The following ADAM33 variants were observed in gnomAD, a reference collection of about 807,000 sequenced individuals.
The protein encoded by ADAM33 is disintegrin and metalloproteinase domain-containing protein 33.
In ADAM33, 103 loss-of-function variants were observed where a neutral mutation model predicts 106.2. The observed-to-expected ratio is 0.97, with a 90% CI of 0.83 to 1.14. ADAM33 has a LOEUF of 1.14. ADAM33 is among the 50% of genes most tolerant of loss of function. The pLI is 0.00. For synonymous variants in ADAM33, 483 were observed against 453.0 expected, an observed-to-expected ratio of 1.07 and a Z score of -0.84; for missense variants, 1,120 against 1,096.6, an observed-to-expected ratio of 1.02 and a Z score of -0.30.
At chr20:3,676,971 T>G in intron 3 of ADAM33, 96 bp downstream of exon 3, 1 of 1,310,888 alleles carries the variant, frequency 7.6e-7, no homozygotes, top group Non-Finnish European at 1.0e-6. Flanking sequence ...CTCTCTGGGG[T>G]CCTCTGCCCA....
At position 3,669,732 on chromosome 20, in the gene ADAM33, C is replaced by T. The variant is rs41423545; in HGVS notation, c.2241-95G>A. 2.6e-3 allele frequency: 3,107 copies of T among 1,173,024 alleles called. 64 individuals are homozygous for T. The African/African-American group carries it at 0.039, about 15-fold the overall frequency. 72.7% of individuals were successfully genotyped at this position (1,173,024 alleles called of 1,614,324 possible). On this transcript the variant is annotated intron_variant, in intron 19 of 21. Transcript: ENST00000356518. The stretch of plus-strand genomic sequence containing the variant: ...ATGGTGTCCAGCCCAGGGAGTTCTG[C>T]GTTTACTGAGTTTCTTGGGGCACCC...
At chr20:3,672,681 A>T in intron 12 of ADAM33, 40 bp downstream of exon 12, 1 of 1,604,362 alleles carries the variant, frequency 6.2e-7, no homozygotes, top group South Asian at 1.1e-5. Flanking sequence ...CCCAGACCTG[A>T]GCGGAGAGGG....
In ADAM33 at chr20:3,679,588, G is replaced by C; in HGVS notation, c.98-17C>G. On this transcript the variant is annotated splice_polypyrimidine_tract_variant and intron_variant, in intron 1 of 21. Coordinates refer to ENST00000356518, the MANE Select transcript of ADAM33 (RefSeq NM_025220.5). ...GGATATGTCCTGGAGTAAAGACAGA[G>C]CACAGGGTGAGGGGGACCTGAGGAA... 1 of 1,598,554 alleles carries C rather than the reference G, an allele frequency of 6.3e-7. No homozygotes were observed. Among genetic ancestry groups the C allele is most frequent in the Non-Finnish European group, 8.5e-7 (1 of 1,172,066 alleles).
rs915296794 is a variant in ADAM33 at position 3,672,923 on chromosome 20, G to A, written c.1134-25C>T. 15 of 1,533,004 alleles carry A rather than the reference G, an allele frequency of 9.8e-6. No homozygotes were observed. In the South Asian group the frequency reaches 1.4e-4, roughly 14 times the overall value. 95.0% of individuals were successfully genotyped at this position (1,533,004 alleles called of 1,614,324 possible). A position where few individuals can be genotyped will look rare whatever the true frequency, so the allele number is the denominator to read the frequency against. ...CCTACCGGCACGGGGAGGGCATTGG[G>A]CATGGAGGGACAGTCCCCCAACCCC... On this transcript the variant is annotated intron_variant, in intron 11 of 21. Coordinates refer to ENST00000356518, the MANE Select transcript of ADAM33 (RefSeq NM_025220.5).
In ADAM33 at chr20:3,668,898, C is replaced by A; in HGVS notation, c.*65G>T. On this transcript the variant is annotated 3_prime_UTR_variant, in exon 22 of 22. Coordinates refer to ENST00000356518, the MANE Select transcript of ADAM33 (RefSeq NM_025220.5). ...ATTCACTGGCTCTGCCCCTGCAGTT[C>A]AAGTTCCTGGAGTGGCTGTCAGTGG... is the stretch of plus-strand genomic sequence containing the variant. 2 of 1,578,488 alleles carry A rather than the reference C, an allele frequency of 1.3e-6. No homozygotes were observed. Among genetic ancestry groups the A allele is most frequent in the South Asian group, 2.2e-5 (2 of 90,076 alleles).
rs574210642 is a variant in ADAM33 at position 3,671,358 on chromosome 20, G to C, written c.1984-13C>G. The C allele has an allele frequency of 1.9e-5, 30 of 1,612,860 alleles. No homozygotes were observed. In the African/African-American group the frequency reaches 3.6e-4, roughly 19 times the overall value. ...TGCTATTGCAAACCTGCAGAGAAGA[G>C]AAGAGGAGGGTCACGTAGGATTAGG... On this transcript the variant is annotated splice_polypyrimidine_tract_variant and intron_variant, in intron 17 of 21. Transcript: ENST00000356518.
rs1457312209 is a variant in ADAM33, at chr20:3,669,608, G to A, written c.2270C>T (p.Pro757Leu). 1.2e-6 allele frequency: 2 copies of A among 1,603,632 alleles called. No individual in the cohort carries two copies. Among genetic ancestry groups the A allele is most frequent in the Non-Finnish European group, 8.5e-7 (1 of 1,176,126 alleles). ...CTCCATGGGGTGAACGCCGCCCAGG[G>A]GGTGGTCCCTGTGTGGGCCATCTTT... ...GPKDGPHRDH[P>L]LGGVHPMELG... Residue 757 changes from proline to leucine, a missense_variant, in exon 20 of 22, where the codon CCC becomes CTC. Transcript: ENST00000356518.
In ADAM33 at chr20:3,673,843, G is replaced by A. The variant is rs1441240023; in HGVS notation, c.807C>T (p.Ser269=). 14 of 1,567,540 alleles carry A rather than the reference G, an allele frequency of 8.9e-6. No homozygotes were observed. Among genetic ancestry groups the A allele is most frequent in the Non-Finnish European group, 1.1e-5 (13 of 1,164,824 alleles). ...GLEVWTERDR[S]RVTQDANATL... ...TGGCGTTGGCGTCCTGCGTGACGCG[G>A]CTGCGGTCCCGCTCGGTCCACACCT... The change falls in exon 9 of 22, where the codon AGC becomes AGT. Residue 269 remains serine, a synonymous_variant. Transcript: ENST00000356518.
At position 3,671,356 on chromosome 20, in the gene ADAM33, G is replaced by A. The variant is rs1261395179; in HGVS notation, c.1984-11C>T. 6.2e-7 allele frequency: 1 copy of A among 1,612,898 alleles called. No individual in the cohort carries two copies. Among genetic ancestry groups the A allele is most frequent in the Non-Finnish European group, 8.5e-7 (1 of 1,179,116 alleles). On this transcript the variant is annotated splice_polypyrimidine_tract_variant and intron_variant, in intron 17 of 21. Coordinates refer to ENST00000356518, the MANE Select transcript of ADAM33 (RefSeq NM_025220.5). The stretch of plus-strand genomic sequence containing the variant: ...GTTGCTATTGCAAACCTGCAGAGAA[G>A]AGAAGAGGAGGGTCACGTAGGATTA...
intron 14 of ADAM33, 64 bp downstream of exon 14, chr20:3,672,070 C>T: frequency 6.3e-7 from 1 of 1,578,836 alleles, no homozygotes; most frequent in Non-Finnish European, 8.6e-7. Context: ...ATCTTCCCCA[C>T]AGTAGAAAAC....
intron 19 of ADAM33, chr20:3,669,929 C>T: frequency 1.8e-5 from 10 of 552,002 alleles, no homozygotes; most frequent in South Asian, 1.4e-4. Context: ...TGGCATCGCT[C>T]AGCTTCCAAA....
chr20:3,681,780 T>G, intron 1 of ADAM33, 128 bp downstream of exon 1: 3 of 1,355,922 alleles, frequency 2.2e-6, no homozygotes, highest in Non-Finnish European at 2.9e-6. Context: ...CGCCCTGACC[T>G]ACTGGCCGTA....
chr20:3,669,629 T>A lies in ADAM33; in HGVS notation c.2249A>T (p.Asp750Val), dbSNP rs769009335. 1 of 1,601,266 alleles carries A rather than the reference T, an allele frequency of 6.2e-7. No individual in the cohort carries two copies. Among genetic ancestry groups the A allele is most frequent in the East Asian group, 2.2e-5 (1 of 44,508 alleles). The change falls in exon 20 of 22, where the codon GAT (aspartate) becomes GTT (valine). Residue 750 changes from aspartate to valine, a missense_variant. Coordinates refer to ENST00000356518, the MANE Select transcript of ADAM33 (RefSeq NM_025220.5). ...CAGGGGGTGGTCCCTGTGTGGGCCA[T>A]CTTTGGGGCTGAGCAACGTGATAAG... ...RRDPACSGPK[D>V]GPHRDHPLGG...
At position 3,674,593 on chromosome 20, in the gene ADAM33, G is replaced by T; in HGVS notation, c.511C>A (p.Gln171Lys). Residue 171 changes from glutamine to lysine, a missense_variant, in exon 6 of 22, where the codon CAG (glutamine) becomes AAG (lysine). Gln to Lys is a moderately conservative substitution (Grantham distance 53). Transcript: ENST00000356518. Reference sequence around the variant, plus strand: ...CAGGTTCCTTTCCAGGTGAGCAGCTGCTCCATCCGAAAGATCTCGTGGGTT... The same window carrying T: ...CAGGTTCCTTTCCAGGTGAGCAGCTTCTCCATCCGAAAGATCTCGTGGGTT... ...FSTHEIFRME[Q>K]LLTWKGTCGH... 1 of 1,613,300 alleles carries T rather than the reference G, an allele frequency of 6.2e-7. No homozygotes were observed. The highest frequency in any genetic ancestry group is 8.5e-7 in the Non-Finnish European group (1 of 1,179,816).
At chr20:3,680,292 C>T (rs1190531671) in intron 1 of ADAM33, among the ~76,000 whole-genome samples, 2 of 152,120 alleles carry the variant, frequency 1.3e-5, no homozygotes. Context: ...CAGGCCCGCC[C>T]TGCAGGAGCC....
At chr20:3,669,707 A>T in intron 19 of ADAM33, 70 bp from the exon 20 acceptor site, 1 of 1,379,896 alleles carries the variant, frequency 7.2e-7, no homozygotes, top group Non-Finnish European at 1.0e-6. Context: ...TCCCCGCAGC[A>T]TGGTGTCCAG....
At position 3,671,255 on chromosome 20, in the gene ADAM33, C is replaced by CACTGTCCAT. The variant is rs1357246837; in HGVS notation, c.2065_2073dup (p.Met689_Ser691dup). ...GGCATACTTTCAGCCTGCACAGGGCCACTGTCCATGCTGCCACCAAAGCCT... is the reference window on the plus strand; with the variant it reads ...GGCATACTTTCAGCCTGCACAGGGCCACTGTCCATACTGTCCATGCTGCCACCAAAGCCT... On this transcript the variant is annotated inframe_insertion, in exon 18 of 22. Coordinates refer to ENST00000356518, the MANE Select transcript of ADAM33 (RefSeq NM_025220.5). 2.5e-6 allele frequency: 4 copies of CACTGTCCAT among 1,613,798 alleles called. No individual in the cohort carries two copies. The African/African-American group carries it at 5.3e-5, about 22-fold the overall frequency.
rs1249626921 is a variant in ADAM33 at position 3,675,716 on chromosome 20, G to A, written c.255-611C>T. On this transcript the variant is annotated intron_variant, in intron 3 of 21. Coordinates refer to ENST00000356518, the MANE Select transcript of ADAM33 (RefSeq NM_025220.5). The surrounding 1 kb of genome is among the most constrained non-coding windows in gnomAD (Gnocchi z 4.1). ...TCCCTGCCTTCTCCACACCCACTCC[G>A]GTAATGATTCCATCTTCAGGCTCCA... 2.6e-5 allele frequency among the ~76,000 whole-genome samples: 4 copies of A among 151,870 alleles called. No individual in the cohort carries two copies. The highest frequency in any genetic ancestry group is 2.1e-4 in the South Asian group (1 of 4,818).
chr20:3,669,488 A>C, intron 20 of ADAM33, 58 bp downstream of exon 20: 1 of 1,541,850 alleles, frequency 6.5e-7, no homozygotes, highest in Non-Finnish European at 8.8e-7. Context: ...AGGAGGCAGG[A>C]GGCATGAGCC....
Sources: allele counts gnomAD v4.1 joint callset (sites outside exome capture counted in the v4.1 genomes callset), GRCh38; gene constraint gnomAD v4.1.1; non-coding constraint Gnocchi (gnomAD v3.1); transcripts MANE v1.5; gene names NCBI Gene and HGNC (gene_info 2026-07-23, HGNC 2026-07-21).